Variants in IGFL2 observed in about 807,000 individuals in gnomAD.
IGFL2 encodes insulin growth factor-like family member 2.
In IGFL2, 7 loss-of-function variants were observed where a neutral mutation model predicts 13.9. The ratio of observed to expected loss-of-function variants is 0.51; its 90% CI spans 0.29 to 0.95. The LOEUF is 0.95. Among genes scored for constraint, IGFL2 ranks in the 40% least tolerant of loss-of-function variants. The probability of loss-of-function intolerance (pLI) is 0.08; values close to 1 mark genes in which losing one functional copy is unlikely to be tolerated. For missense variants in IGFL2, 138 were observed against 147.8 expected, an observed-to-expected ratio of 0.93 and a Z score of 0.34; for synonymous variants, 55 against 55.8, an observed-to-expected ratio of 0.99 and a Z score of 0.07.
intron 1 of IGFL2, among the ~76,000 whole-genome samples, chr19:46,151,968 G>A (rs1171023810): frequency 6.6e-6 from 1 of 152,078 alleles, no homozygotes; most frequent in Non-Finnish European, 1.5e-5. Flanking sequence ...GGGATTTTTG[G>A]CACCTGAACA....
chr19:46,132,376 T>TC, the IGFL2 span, among the ~76,000 whole-genome samples: 1 of 152,318 alleles, frequency 6.6e-6, no homozygotes, highest in East Asian at 1.9e-4. Flanking sequence ...GAAAATAAGA[T>TC]ATTGAATTAA....
At chr19:46,120,485 T>A in the IGFL2 span, 1 of 1,349,452 alleles carries the variant, frequency 7.4e-7, no homozygotes, top group Non-Finnish European at 1.0e-6. Context: ...TGTGTAGATA[T>A]CAACAGAAGG....
chr19:46,143,636 A>G (rs547852146), upstream of IGFL2, among the ~76,000 whole-genome samples: 7 of 152,306 alleles, frequency 4.6e-5, no homozygotes, highest in East Asian at 3.9e-4. Flanking sequence ...CAGCACCCCA[A>G]TCCACACATT....
the IGFL2 span, chr19:46,111,985 G>T: frequency 2.0e-5 from 3 of 152,120 alleles, no homozygotes; most frequent in Admixed American, 6.6e-5. Context: ...TTGTTACATG[G>T]AACTTTTCCT....
chr19:46,179,023 GAGA>G, the IGFL2 span, among the ~76,000 whole-genome samples: 1 of 151,958 alleles, frequency 6.6e-6, no homozygotes, highest in African/African-American at 2.4e-5. Flanking sequence ...GAGGCAGAGA[GAGA>G]AGACCAGGGT....
chr19:46,106,519 A>G, the IGFL2 span, among the ~76,000 whole-genome samples: 6 of 152,318 alleles, frequency 3.9e-5, no homozygotes, highest in Non-Finnish European at 7.4e-5. Flanking sequence ...GTAAAGGAAT[A>G]GTAAAGAAAG....
At chr19:46,172,319 A>T in the IGFL2 span, among the ~76,000 whole-genome samples, 126 of 152,166 alleles carry the variant, frequency 8.3e-4, 2 homozygotes, top group Middle Eastern at 0.017. Context: ...GCCTCTTAGA[A>T]CTCCCACGTC....
At chr19:46,137,481 G>A in the IGFL2 span, 2 of 1,128,248 alleles carry the variant, frequency 1.8e-6, no homozygotes, top group Admixed American at 3.4e-5. Context: ...GACTCCTTGG[G>A]CAGGTTGCCC....
At chr19:46,215,234 T>C in the IGFL2 span, among the ~76,000 whole-genome samples, 5 of 152,184 alleles carry the variant, frequency 3.3e-5, no homozygotes, top group African/African-American at 1.2e-4. Context: ...ATGATTATGG[T>C]GAATTTTACT....
chr19:46,113,191 G>A, the IGFL2 span: 1 of 171,950 alleles, frequency 5.8e-6, no homozygotes, highest in Middle Eastern at 2.5e-3. Context: ...TTCTACAGAG[G>A]CAAAAAGCGT....
the IGFL2 span, among the ~76,000 whole-genome samples, chr19:46,083,045 G>C: frequency 6.6e-6 from 1 of 152,184 alleles, no homozygotes. Flanking sequence ...TAAATTCCTA[G>C]AACTGAAACC....
At chr19:46,186,264 C>T in the IGFL2 span, among the ~76,000 whole-genome samples, 175 of 152,320 alleles carry the variant, frequency 1.1e-3, no homozygotes, top group African/African-American at 4.0e-3. Context: ...GCACCCCCGC[C>T]GACCTGAAGA....
upstream of IGFL2, among the ~76,000 whole-genome samples, chr19:46,145,294 G>A (rs76653467): frequency 1.0e-3 from 157 of 151,868 alleles, 5 homozygotes; most frequent in East Asian, 0.026. Context: ...TGGTATTGTC[G>A]ATATTCTCTC....
the IGFL2 span, among the ~76,000 whole-genome samples, chr19:46,088,044 G>T: frequency 6.6e-6 from 1 of 152,206 alleles, no homozygotes. Context: ...AGGACTGTAG[G>T]AATCTGTGGT....
At chr19:46,099,156 C>G in the IGFL2 span, among the ~76,000 whole-genome samples, 1 of 152,246 alleles carries the variant, frequency 6.6e-6, no homozygotes, top group Non-Finnish European at 1.5e-5. Flanking sequence ...GGCCTCCACT[C>G]TCTTCTGGCT....
the IGFL2 span, chr19:46,120,258 T>G: frequency 1.2e-6 from 2 of 1,602,508 alleles, no homozygotes; most frequent in African/African-American, 2.7e-5. Context: ...GAAGTTCAAC[T>G]GTAGTCTCCG....
chr19:46,112,532 A>T, the IGFL2 span, among the ~76,000 whole-genome samples: 1 of 152,246 alleles, frequency 6.6e-6, no homozygotes, highest in African/African-American at 2.4e-5. Flanking sequence ...ATGTGCCAGG[A>T]GCCTGGAGGC....
the IGFL2 span, chr19:46,195,836 C>T: frequency 6.6e-6 from 1 of 152,262 alleles, no homozygotes; most frequent in Admixed American, 6.5e-5. Context: ...CACTGATTCA[C>T]ATCTAGAAGG....
the IGFL2 span, among the ~76,000 whole-genome samples, chr19:46,202,202 A>G: frequency 1.3e-5 from 2 of 152,168 alleles, no homozygotes. Flanking sequence ...GGAGGAACTG[A>G]TGTGTAAAAG....
Sources: allele counts gnomAD v4.1 joint callset (sites outside exome capture counted in the v4.1 genomes callset), GRCh38; gene constraint gnomAD v4.1.1; transcripts MANE v1.5; gene names NCBI Gene and HGNC (gene_info 2026-07-23, HGNC 2026-07-21).